The following ANO4 variants were observed in gnomAD, a reference collection of about 807,000 sequenced individuals.
The protein encoded by ANO4 is anoctamin-4.
In ANO4, 69 loss-of-function variants were observed where a neutral mutation model predicts 141.9. The ratio of observed to expected loss-of-function variants is 0.49; its 90% CI spans 0.40 to 0.59. The LOEUF (loss-of-function observed/expected upper bound fraction) is 0.59. Among genes scored for constraint, ANO4 ranks in the 20% least tolerant of loss-of-function variants. The pLI is 0.00. For missense variants in ANO4, 894 were observed against 1,162.2 expected, an observed-to-expected ratio of 0.77 and a Z score of 3.36; for synonymous variants, 350 against 394.3, an observed-to-expected ratio of 0.89 and a Z score of 1.33.
In ANO4 at chr12:100,847,017, C is replaced by G. The variant is rs190844887; in HGVS notation, c.-141+51990C>G. Among the ~76,000 whole-genome samples the G allele has an allele frequency of 3.1e-3, 471 of 152,226 alleles. 4 individuals carry two copies. The highest frequency in any genetic ancestry group is 0.01 in the African/African-American group (421 of 41,530). On this transcript the variant is annotated intron_variant, in intron 1 of 27. Transcript: ENST00000392977. The stretch of plus-strand genomic sequence containing the variant: ...AATCTTCAGGGGAAGCTCTGCATAA[C>G]CCCCAGACCAGATTAGGTCCCAGTG...
Position 100,939,329 on chromosome 12 carries a change from A to T in ANO4, c.175A>T (p.Asn59Tyr). 6.2e-7 allele frequency: 1 copy of T among 1,613,306 alleles called. No individual in the cohort carries two copies. The highest frequency in any genetic ancestry group is 8.5e-7 in the Non-Finnish European group (1 of 1,179,418). ...NAIQEMAKDV[N>Y]ILFDELEAVS... ...TTTGGTTCTAGTGGCCAAGGATGTC[A>T]ATATTCTTTTTGATGAATTAGAAGC... The change falls in exon 4 of 28, where the codon AAT (asparagine) becomes TAT (tyrosine). Residue 59 changes from asparagine to tyrosine, a missense_variant. By Grantham distance (143) the Asn-to-Tyr change is moderately radical. Transcript: ENST00000392977.
At chr12:101,000,415 T>G (rs1208969058) in intron 8 of ANO4, among the ~76,000 whole-genome samples, 1 of 152,240 alleles carries the variant, frequency 6.6e-6, no homozygotes, top group African/African-American at 2.4e-5. Context: ...TTTTACTGTA[T>G]TTTTGTTTCA....
intron 14 of ANO4, chr12:101,068,153 C>A: frequency 1.2e-6 from 1 of 841,894 alleles, no homozygotes; most frequent in Non-Finnish European, 1.6e-6. Flanking sequence ...TAAGAAAAAA[C>A]AGGAGTTGAC....
intron 26 of ANO4, among the ~76,000 whole-genome samples, chr12:101,122,727 T>A (rs774436868): frequency 1.2e-4 from 19 of 152,180 alleles, no homozygotes; most frequent in Non-Finnish European, 2.8e-4. Flanking sequence ...TTACCACACA[T>A]ATTGAAATAT....
At chr12:100,993,489 AG>A (rs2136361976) in intron 8 of ANO4, among the ~76,000 whole-genome samples, 1 of 152,264 alleles carries the variant, frequency 6.6e-6, no homozygotes, top group South Asian at 2.1e-4. Context: ...TCGTACACCT[AG>A]GCGAGGCTAC....
rs962541645 is a variant in ANO4 at position 101,045,762 on chromosome 12, G to T, written c.1251+2127G>T. ...TCACAGCCTGGAACTGTTCCTCCAG[G>T]GACCCCGGTGGCCCTGCCCACATGA... On this transcript the variant is annotated intron_variant, in intron 13 of 27. Transcript: ENST00000392977. Among the ~76,000 whole-genome samples the T allele has an allele frequency of 2.6e-5, 4 of 152,248 alleles. No homozygotes were observed. In the East Asian group the frequency reaches 7.7e-4, roughly 29 times the overall value.
intron 3 of ANO4, among the ~76,000 whole-genome samples, chr12:100,744,760 G>A (rs564188264): frequency 1.3e-5 from 2 of 152,190 alleles, no homozygotes; most frequent in African/African-American, 4.8e-5. Flanking sequence ...TCAAAGCTTC[G>A]TCTCCATCCC....
chr12:100,875,295 A>G (rs573372763), intron 1 of ANO4, among the ~76,000 whole-genome samples: 1 of 152,202 alleles, frequency 6.6e-6, no homozygotes, highest in East Asian at 1.9e-4. Context: ...GGTTGTTTAA[A>G]AGTGAAACCC....
intron 1 of ANO4, among the ~76,000 whole-genome samples, chr12:100,836,418 T>C (rs1472887163): frequency 6.6e-6 from 1 of 152,114 alleles, no homozygotes; most frequent in Non-Finnish European, 1.5e-5. Flanking sequence ...TGTATACATG[T>C]GCCATGTTGG....
At chr12:100,800,643 T>G in intron 1 of ANO4, among the ~76,000 whole-genome samples, 1 of 152,250 alleles carries the variant, frequency 6.6e-6, no homozygotes, top group Non-Finnish European at 1.5e-5. Flanking sequence ...ACTATTGTTG[T>G]GATTCATGAA....
chr12:101,063,067 G>GT (rs34282941), intron 14 of ANO4, among the ~76,000 whole-genome samples: 1 of 151,364 alleles, frequency 6.6e-6, no homozygotes, highest in Non-Finnish European at 1.5e-5. Flanking sequence ...TATGGGAAAA[G>GT]ATACTAATCT....
At chr12:100,925,779 AT>A (rs1456673758) in intron 3 of ANO4, among the ~76,000 whole-genome samples, 9 of 146,580 alleles carry the variant, frequency 6.1e-5, no homozygotes, top group Non-Finnish European at 1.0e-4. Flanking sequence ...ATATATATAT[AT>A]GTATGCATGT....
At chr12:100,988,899 CAAA>C (rs1483774771) in intron 8 of ANO4, among the ~76,000 whole-genome samples, 1 of 116,810 alleles carries the variant, frequency 8.6e-6, no homozygotes, top group Non-Finnish European at 1.8e-5. Context: ...GAAAGAAAAA[CAAA>C]AAACGAAGGT....
chr12:101,031,403 T>C (rs150761862), intron 9 of ANO4, among the ~76,000 whole-genome samples: 19 of 152,238 alleles, frequency 1.2e-4, no homozygotes, highest in African/African-American at 4.3e-4. Flanking sequence ...TGCTAAAAAC[T>C]CTCAATAAAC....
chr12:100,962,375 A>C (rs1357963069), intron 5 of ANO4, among the ~76,000 whole-genome samples: 2 of 152,164 alleles, frequency 1.3e-5, no homozygotes, highest in Admixed American at 1.3e-4. Context: ...TGAAATCTAT[A>C]ATTAGAGTAT....
In ANO4 at chr12:101,083,715, A is replaced by G. The variant is rs754238725; in HGVS notation, c.1433A>G (p.Lys478Arg). 1.2e-5 allele frequency: 19 copies of G among 1,609,220 alleles called. No homozygotes were observed. The highest frequency in any genetic ancestry group is 1.6e-4 in the Middle Eastern group (1 of 6,076). Residue 478 changes from lysine to arginine, a missense_variant, in exon 16 of 28, where the codon AAG becomes AGG. Around this residue, in one of 2 missense-constraint regions of ANO4, gnomAD observed 637 missense variants for 909.2 expected, o/e 0.70. Coordinates refer to ENST00000392977, the MANE Select transcript of ANO4 (RefSeq NM_001286615.2). ...CCCCAGTTTGAAGCCAAGTATTCCA[A>G]GAAAGAGCGGATGAATCCAATTTCT... Reference protein sequence around the residue: ...IRPQFEAKYSKKERMNPISGK... With the variant: ...IRPQFEAKYSRKERMNPISGK...
intron 3 of ANO4, among the ~76,000 whole-genome samples, chr12:100,935,485 T>G (rs2042248749): frequency 6.6e-6 from 1 of 152,184 alleles, no homozygotes; most frequent in African/African-American, 2.4e-5. Flanking sequence ...TCTTTCTCAT[T>G]TAATGAACCT....
At chr12:100,732,089 C>G (rs1051397892) in intron 1 of ANO4, among the ~76,000 whole-genome samples, 11 of 152,182 alleles carry the variant, frequency 7.2e-5, no homozygotes, top group African/African-American at 2.7e-4. Flanking sequence ...CAGCTTCTTT[C>G]AGTAAATACC....
intron 14 of ANO4, among the ~76,000 whole-genome samples, chr12:101,049,048 A>G (rs1421027880): frequency 6.6e-6 from 1 of 152,240 alleles, no homozygotes; most frequent in Non-Finnish European, 1.5e-5. Context: ...ATTTAATGAT[A>G]TAGAAAAACA....
Sources: allele counts gnomAD v4.1 joint callset (sites outside exome capture counted in the v4.1 genomes callset), GRCh38; gene constraint gnomAD v4.1.1; regional missense constraint gnomAD v4.1.1; transcripts MANE v1.5; gene names NCBI Gene and HGNC (gene_info 2026-07-23, HGNC 2026-07-21).